Variants in CBX3 observed in about 807,000 individuals in gnomAD.
CBX3 encodes the protein chromobox 3.
CBX3 carries 5 observed loss-of-function variants against 22.6 expected under a neutral mutation model. The observed-to-expected ratio is 0.22, with a 90% CI of 0.12 to 0.47. The LOEUF (loss-of-function observed/expected upper bound fraction) is 0.47, where lower values mean the gene tolerates loss of function less well. Ranked by LOEUF, CBX3 falls within the 20% of genes least tolerant of loss-of-function variation. The pLI is 0.99. For synonymous variants in CBX3, 50 were observed against 66.6 expected, an observed-to-expected ratio of 0.75 and a Z score of 1.21; for missense variants, 83 against 208.1, an observed-to-expected ratio of 0.40 and a Z score of 3.70.
At chr7:26,211,526 G>A in intron 4 of CBX3, 136 bp from the exon 5 acceptor site, 1 of 500,260 alleles carries the variant, frequency 2.0e-6, no homozygotes, top group Admixed American at 4.0e-5. Flanking sequence ...ATGGAAATCA[G>A]ATGTTTTTAA....
In CBX3 at chr7:26,212,089, T is replaced by A. The variant is rs1754793128; in HGVS notation, c.433T>A (p.Ser145Thr). 1 of 1,556,614 alleles carries A rather than the reference T, an allele frequency of 6.4e-7. No homozygotes were observed. The highest frequency in any genetic ancestry group is 1.2e-5 in the South Asian group (1 of 80,194). Residue 145 changes from serine (S) to threonine (T), a missense_variant, in exon 6 of 6, where the codon TCA (serine) becomes ACA (threonine). Transcript: ENST00000396386. ...ELMFLMKWKD[S>T]DEADLVLAKE... ...TTCTTTTTCTTAAAACAGGAAAGAT[T>A]CAGATGAGGCAGACTTGGTGCTGGC...
intron 3 of CBX3, among the ~76,000 whole-genome samples, chr7:26,207,303 T>A (rs2128137587): frequency 6.6e-6 from 1 of 152,360 alleles, no homozygotes; most frequent in Non-Finnish European, 1.5e-5. Flanking sequence ...AATGGGAGAT[T>A]TACGTTTGCC....
chr7:26,202,166 C>G (rs1025369690), intron 1 of CBX3: 41 of 152,146 alleles, frequency 2.7e-4, no homozygotes, highest in African/African-American at 8.9e-4. Context: ...GGGGCTGGGT[C>G]GAGACTTGGG....
chr7:26,206,595 T>TACAGGAAA, intron 3 of CBX3, 85 bp downstream of exon 3: 1 of 1,228,022 alleles, frequency 8.1e-7, no homozygotes, highest in Non-Finnish European at 1.2e-6. Context: ...CTCTTTTACC[T>TACAGGAAA]GCTTTCCTGT....
chr7:26,211,971 C>T (rs1054515875), intron 5 of CBX3, 111 bp from the exon 6 acceptor site: 3 of 1,011,236 alleles, frequency 3.0e-6, no homozygotes, highest in Non-Finnish European at 4.2e-6. Context: ...ACATAACTCT[C>T]CTGGAGCACT....
intron 2 of CBX3, 75 bp downstream of exon 2, chr7:26,203,097 C>A: frequency 3.3e-6 from 3 of 902,308 alleles, no homozygotes; most frequent in East Asian, 7.5e-5. Context: ...CTTTGCATCT[C>A]TGTGGCTGAG....
intron 2 of CBX3, among the ~76,000 whole-genome samples, chr7:26,204,010 T>G (rs1474604484): frequency 1.3e-5 from 2 of 152,244 alleles, no homozygotes; most frequent in Non-Finnish European, 2.9e-5. Flanking sequence ...GTTGGCCACT[T>G]TAAAAGTTCT....
At position 26,208,519 on chromosome 7, in the gene CBX3, A is replaced by T. The variant is rs142550836; in HGVS notation, c.294A>T (p.Glu98Asp). 6.2e-7 allele frequency: 1 copy of T among 1,613,678 alleles called. No homozygotes were observed. Among genetic ancestry groups the T allele is most frequent in the Non-Finnish European group, 8.5e-7 (1 of 1,179,774 alleles). The change falls in exon 4 of 6, where the codon GAA (glutamate) becomes GAT (aspartate). Residue 98 changes from glutamate to aspartate, a missense_variant. Glu to Asp is a conservative substitution (Grantham distance 45). Coordinates refer to ENST00000396386, the MANE Select transcript of CBX3 (RefSeq NM_016587.4). ...GTKRKSLSDSESDDSKSKKKR... is the reference protein window; with the variant it reads ...GTKRKSLSDSDSDDSKSKKKR... ...AAAGAAAATCTTTATCTGACAGTGA[A>T]TCTGATGACAGCAAATCAAAGAAGA...
intron 2 of CBX3, among the ~76,000 whole-genome samples, chr7:26,204,394 C>A (rs1042976741): frequency 1.1e-4 from 16 of 152,120 alleles, no homozygotes; most frequent in African/African-American, 1.4e-4. Flanking sequence ...TTTGCTCCTC[C>A]CACCATTATT....
At chr7:26,206,798 C>T (rs1784686168) in intron 3 of CBX3, among the ~76,000 whole-genome samples, 1 of 152,114 alleles carries the variant, frequency 6.6e-6, no homozygotes. Context: ...TTAGATATTA[C>T]ACTAATTAGA....
intron 2 of CBX3, among the ~76,000 whole-genome samples, chr7:26,205,367 G>A (rs1456967375): frequency 6.6e-6 from 1 of 152,160 alleles, no homozygotes; most frequent in Admixed American, 6.5e-5. Flanking sequence ...AGGAAGGAAG[G>A]ATTTTTTTCA....
rs1394429403 is a variant in CBX3, at chr7:26,212,795, A to G, written c.*587A>G. 2 of 152,408 alleles carry G rather than the reference A, an allele frequency of 1.3e-5. No homozygotes were observed. The highest frequency in any genetic ancestry group is 1.9e-4 in the East Asian group (1 of 5,192). 9.4% of individuals were successfully genotyped at this position (152,408 alleles called of 1,614,324 possible). On this transcript the variant is annotated 3_prime_UTR_variant, in exon 6 of 6. Coordinates refer to ENST00000396386, the MANE Select transcript of CBX3 (RefSeq NM_016587.4). ...TTTCAAGTGAAATAAGTAATTCTAG[A>G]TAGGACAATTTAAATTGGATAATTT...
chr7:26,209,008 G>A (rs1395903216), intron 4 of CBX3, among the ~76,000 whole-genome samples: 3 of 132,842 alleles, frequency 2.3e-5, no homozygotes, highest in African/African-American at 8.8e-5. Flanking sequence ...GTGCAGTTTC[G>A]GCTCACTGCA....
intron 2 of CBX3, 51 bp from the exon 3 acceptor site, chr7:26,206,317 G>T: frequency 7.8e-7 from 1 of 1,275,824 alleles, no homozygotes. Flanking sequence ...TTGAAAATGT[G>T]CTCAAAATTC....
At chr7:26,208,877 CAA>C (rs557142158) in intron 4 of CBX3, among the ~76,000 whole-genome samples, 4 of 143,180 alleles carry the variant, frequency 2.8e-5, no homozygotes, top group South Asian at 4.4e-4. Context: ...CTCGGCCTCC[CAA>C]AGTGTTGGGA....
intron 4 of CBX3, 68 bp from the exon 5 acceptor site, chr7:26,211,594 T>C (rs952586286): frequency 2.0e-6 from 2 of 987,940 alleles, no homozygotes; most frequent in Non-Finnish European, 3.1e-6. Context: ...AATGTTTTTA[T>C]TTAAAATACG....
At chr7:26,202,821 A>C in intron 1 of CBX3, 150 bp from the exon 2 acceptor site, 1 of 664,206 alleles carries the variant, frequency 1.5e-6, no homozygotes, top group African/African-American at 1.8e-5. Flanking sequence ...ATCATAAGCA[A>C]TGTAGGTAGG....
rs1784845793 is a variant in CBX3, at chr7:26,213,043, G to C, written c.*835G>C. 6.6e-6 allele frequency: 1 copy of C among 152,308 alleles called. No homozygotes were observed. Among genetic ancestry groups the C allele is most frequent in the Admixed American group, 6.5e-5 (1 of 15,292 alleles). The allele number at this position is 152,308 out of a possible 1,614,324, so 9.4% of individuals were successfully genotyped here. ...ATCCCTGTTGCTACATTGACTAAAA[G>C]GTCATGATGAATGGAATATGTAAGA... On this transcript the variant is annotated 3_prime_UTR_variant, in exon 6 of 6. Transcript: ENST00000396386.
intron 4 of CBX3, 74 bp from the exon 5 acceptor site, chr7:26,211,588 T>C: frequency 1.1e-6 from 1 of 927,460 alleles, no homozygotes. Context: ...TATTGGAATG[T>C]TTTTATTTAA....
Sources: gnomAD v4.1 joint callset for allele counts (sites outside exome capture counted in the v4.1 genomes callset) on GRCh38, gnomAD v4.1.1 for gene constraint, MANE v1.5 for transcripts, NCBI Gene and HGNC (gene_info 2026-07-23, HGNC 2026-07-21) for gene names.